The following KSR1 variants were observed in gnomAD, a reference collection of about 807,000 sequenced individuals.
KSR1 encodes kinase suppressor of ras.
Under a neutral mutation model 92.9 loss-of-function variants are expected in KSR1, and 35 were observed. The observed-to-expected ratio is 0.38, with a 90% CI of 0.29 to 0.50. KSR1 has a LOEUF of 0.50. KSR1 is among the 20% of genes least tolerant of loss of function. The pLI is 0.94. For synonymous variants in KSR1, 467 were observed against 472.6 expected (o/e 0.99, Z 0.15); for missense variants, 972 against 1,158.5 (o/e 0.84, Z 2.34).
chr17:27,526,468 A>G, intron 1 of KSR1: 2 of 1,592,342 alleles, frequency 1.3e-6, no homozygotes, highest in Admixed American at 1.7e-5. Flanking sequence ...TTCCCAATAC[A>G]TCTTCTCTTT....
intron 2 of KSR1, among the ~76,000 whole-genome samples, chr17:27,571,816 C>T (rs1295450880): frequency 2.0e-5 from 3 of 152,248 alleles, no homozygotes; most frequent in Non-Finnish European, 2.9e-5. Flanking sequence ...GGTACAGCAG[C>T]GGTGCCGCCC....
intron 1 of KSR1, among the ~76,000 whole-genome samples, chr17:27,490,305 A>T (rs1160381236): frequency 1.3e-5 from 2 of 152,266 alleles, no homozygotes; most frequent in Non-Finnish European, 2.9e-5. Flanking sequence ...ACCACAGCAG[A>T]CTATCTCATT....
chr17:27,540,992 C>T (rs987388833), intron 1 of KSR1, among the ~76,000 whole-genome samples: 4 of 152,172 alleles, frequency 2.6e-5, no homozygotes, highest in African/African-American at 9.7e-5. Context: ...GGAGCTTCCC[C>T]GAGGCATGGA....
intron 2 of KSR1, among the ~76,000 whole-genome samples, chr17:27,576,810 A>G (rs2072523818): frequency 6.6e-6 from 1 of 152,248 alleles, no homozygotes; most frequent in Non-Finnish European, 1.5e-5. Flanking sequence ...GAAACTGCAG[A>G]TAAGAGGGAG....
intron 1 of KSR1, among the ~76,000 whole-genome samples, chr17:27,543,939 C>T (rs1020497314): frequency 2.0e-5 from 3 of 152,180 alleles, no homozygotes; most frequent in Non-Finnish European, 4.4e-5. Flanking sequence ...CCATCTCTGA[C>T]ACGGGCAGAT....
intron 2 of KSR1, among the ~76,000 whole-genome samples, chr17:27,568,783 G>A (rs573409124): frequency 2.6e-5 from 4 of 152,332 alleles, no homozygotes; most frequent in Non-Finnish European, 5.9e-5. Flanking sequence ...TCTGCCTTCC[G>A]TAGAGGAATA....
At chr17:27,482,695 C>T (rs1448909656) in intron 1 of KSR1, among the ~76,000 whole-genome samples, 1 of 152,120 alleles carries the variant, frequency 6.6e-6, no homozygotes, top group Non-Finnish European at 1.5e-5. Context: ...TAAAGAATTA[C>T]TACTTGAGAA....
intron 1 of KSR1, among the ~76,000 whole-genome samples, chr17:27,519,301 C>A (rs1388518990): frequency 6.6e-6 from 1 of 152,134 alleles, no homozygotes; most frequent in Non-Finnish European, 1.5e-5. Context: ...CAGGTCAGGG[C>A]CTGCCCTGTG....
intron 1 of KSR1, among the ~76,000 whole-genome samples, chr17:27,486,753 C>G (rs893606119): frequency 1.3e-5 from 2 of 152,078 alleles, no homozygotes; most frequent in Non-Finnish European, 2.9e-5. Context: ...ACAAGCAAGG[C>G]GGGTGGTTTG....
At position 27,577,996 on chromosome 17, in the gene KSR1, C is replaced by A. The variant is rs913440801; in HGVS notation, c.520+357C>A. 14 of 390,920 alleles carry A rather than the reference C, an allele frequency of 3.6e-5. No homozygotes were observed. Among genetic ancestry groups the A allele is most frequent in the Non-Finnish European group, 6.3e-5 (13 of 205,070 alleles). 24.2% of individuals were successfully genotyped at this position (390,920 alleles called of 1,614,324 possible). On this transcript the variant is annotated intron_variant, in intron 3 of 20. Coordinates refer to ENST00000644974, the MANE Select transcript of KSR1 (RefSeq NM_001394583.1). This position sits in a 1 kb window ranked among gnomAD's most constrained non-coding sequence, Gnocchi z 4.5. ...CAGCCCTCTCCCCGTCTTCTCCTGT[C>A]CCCATTGCTGGCTGGGTTCTGTGCT...
At chr17:27,484,383 C>T (rs1040068369) in intron 1 of KSR1, among the ~76,000 whole-genome samples, 2 of 152,182 alleles carry the variant, frequency 1.3e-5, no homozygotes, top group African/African-American at 4.8e-5. Flanking sequence ...AGGTGTGCAC[C>T]ACCATGCCCG....
chr17:27,551,272 G>T (rs749706797), intron 2 of KSR1, among the ~76,000 whole-genome samples: 2 of 152,118 alleles, frequency 1.3e-5, no homozygotes, highest in Non-Finnish European at 2.9e-5. Flanking sequence ...CTACCCACCT[G>T]CCAGCCAGCC....
chr17:27,589,413 G>A (rs1369203912), intron 6 of KSR1, among the ~76,000 whole-genome samples: 1 of 151,986 alleles, frequency 6.6e-6, no homozygotes, highest in Non-Finnish European at 1.5e-5. Context: ...AGTTCAGAGA[G>A]CTGGGATCCA....
At chr17:27,599,054 C>G (rs924514091) in intron 10 of KSR1, among the ~76,000 whole-genome samples, 2 of 152,238 alleles carry the variant, frequency 1.3e-5, no homozygotes, top group Non-Finnish European at 1.5e-5. Context: ...TTCATTGTTA[C>G]GTGAGCATCA....
chr17:27,605,355 C>CT lies in KSR1; in HGVS notation c.1615-78dup, dbSNP rs1292733693. On this transcript the variant is annotated intron_variant, in intron 13 of 20. Coordinates refer to ENST00000644974, the MANE Select transcript of KSR1 (RefSeq NM_001394583.1). ...GATGCCTCTCTCCCCTGTTACCTGG[C>CT]TAGGGCTCCAGGAGAAGGAAGAGAC... is the stretch of plus-strand genomic sequence containing the variant. The CT allele has an allele frequency of 1.9e-5, 28 of 1,511,462 alleles. No individual in the cohort carries two copies. In the Middle Eastern group the frequency reaches 1.3e-3, roughly 68 times the overall value. The allele number at this position is 1,511,462 out of a possible 1,614,324, so 93.6% of individuals were successfully genotyped here. A position where few individuals can be genotyped will look rare whatever the true frequency, so the allele number is the denominator to read the frequency against.
intron 1 of KSR1, among the ~76,000 whole-genome samples, chr17:27,533,332 A>T (rs555968274): frequency 6.6e-6 from 1 of 151,584 alleles, no homozygotes; most frequent in South Asian, 2.1e-4. Flanking sequence ...ACCCCTGAGG[A>T]TACCAAAATC....
At chr17:27,599,067 G>A (rs2073450906) in intron 10 of KSR1, among the ~76,000 whole-genome samples, 1 of 152,246 alleles carries the variant, frequency 6.6e-6, no homozygotes, top group African/African-American at 2.4e-5. Context: ...GAGCATCATA[G>A]AGCGCACTTA....
chr17:27,490,411 C>CGGAA (rs555644435), intron 1 of KSR1, among the ~76,000 whole-genome samples: 24 of 152,254 alleles, frequency 1.6e-4, no homozygotes, highest in Admixed American at 1.2e-3. Context: ...TGAAGATGAA[C>CGGAA]GGAACCTTAG....
At chr17:27,603,749 TG>T in intron 11 of KSR1, 84 bp from the exon 12 acceptor site, 2 of 1,374,698 alleles carry the variant, frequency 1.5e-6, no homozygotes, top group Non-Finnish European at 2.1e-6. Flanking sequence ...TCAGCCTCTC[TG>T]GGGGTGCTGG....
Sources: gnomAD v4.1 joint callset for allele counts (sites outside exome capture counted in the v4.1 genomes callset) on GRCh38, gnomAD v4.1.1 for gene constraint, Gnocchi (gnomAD v3.1) non-coding constraint, MANE v1.5 for transcripts, NCBI Gene and HGNC (gene_info 2026-07-23, HGNC 2026-07-21) for gene names.